The following GMDS variants were observed in gnomAD, a reference collection of about 807,000 sequenced individuals.
GMDS encodes GDP-mannose 4,6-dehydratase.
GMDS carries 20 observed loss-of-function variants against 49.9 expected under a neutral mutation model. The observed-to-expected ratio is 0.40, with a 90% CI of 0.28 to 0.58. GMDS has a LOEUF of 0.58. GMDS is among the 20% of genes least tolerant of loss of function. The pLI, the probability that GMDS is intolerant of heterozygous loss-of-function variation, is 0.42. For synonymous variants in GMDS, 177 were observed against 178.6 expected (o/e 0.99, Z 0.07); for missense variants, 362 against 481.4 (o/e 0.75, Z 2.32).
intron 7 of GMDS, among the ~76,000 whole-genome samples, chr6:1,835,853 TTTTTA>T (rs141513258): frequency 0.04 from 6,021 of 151,976 alleles, 170 homozygotes; most frequent in African/African-American, 0.083. Context: ...TTTCATTTGC[TTTTTA>T]TTTTATTTTA....
At chr6:1,654,480 G>A (rs1763808887) in intron 9 of GMDS, among the ~76,000 whole-genome samples, 1 of 152,186 alleles carries the variant, frequency 6.6e-6, no homozygotes, top group Non-Finnish European at 1.5e-5. Context: ...ATCATGCATC[G>A]ACTATGCTGT....
intron 1 of GMDS, among the ~76,000 whole-genome samples, chr6:2,185,324 C>T (rs1490507092): frequency 6.6e-6 from 1 of 152,240 alleles, no homozygotes; most frequent in Non-Finnish European, 1.5e-5. Flanking sequence ...TGGCATGCAT[C>T]TGATCCAATG....
intron 8 of GMDS, among the ~76,000 whole-genome samples, chr6:1,738,792 C>T (rs536215463): frequency 2.0e-5 from 3 of 152,012 alleles, no homozygotes; most frequent in Non-Finnish European, 2.9e-5. Context: ...TCAAATCAAT[C>T]GCTCCTCTCC....
chr6:2,155,171 C>T (rs922048065), intron 1 of GMDS, among the ~76,000 whole-genome samples: 2 of 151,996 alleles, frequency 1.3e-5, no homozygotes, highest in Admixed American at 6.6e-5. Context: ...CTTTATATGC[C>T]CAATCTGATA....
intron 1 of GMDS, among the ~76,000 whole-genome samples, chr6:2,125,734 G>C (rs950242800): frequency 6.6e-6 from 1 of 152,180 alleles, no homozygotes; most frequent in Non-Finnish European, 1.5e-5. Flanking sequence ...AGGAAGGTGA[G>C]TACCTTTGGA....
At chr6:2,189,922 G>GC (rs3839610) in intron 1 of GMDS, among the ~76,000 whole-genome samples, 106,702 of 151,946 alleles carry the variant, frequency 0.7, 37,834 homozygotes, top group East Asian at 0.84. Context: ...TGTGTAGTAA[G>GC]AGCGTTTCTG....
intron 9 of GMDS, among the ~76,000 whole-genome samples, chr6:1,652,079 T>C (rs1226132797): frequency 6.6e-6 from 1 of 151,634 alleles, no homozygotes; most frequent in Non-Finnish European, 1.5e-5. Context: ...TCTTCTAAGA[T>C]TATCCTTAAC....
chr6:1,919,511 T>C (rs1452858453), intron 7 of GMDS, among the ~76,000 whole-genome samples: 1 of 152,236 alleles, frequency 6.6e-6, no homozygotes, highest in African/African-American at 2.4e-5. Flanking sequence ...TACCTGTAAC[T>C]AACTGGCCCT....
At position 1,836,984 on chromosome 6, in the gene GMDS, A is replaced by G. The variant is rs143385398; in HGVS notation, c.771+93119T>C. Among the ~76,000 whole-genome samples the G allele has an allele frequency of 4.3e-3, 650 of 152,370 alleles. 2 individuals are homozygous for G. Among genetic ancestry groups the G allele is most frequent in the Admixed American group, 4.8e-3 (74 of 15,308 alleles). On this transcript the variant is annotated intron_variant, in intron 7 of 10. Transcript: ENST00000380815. This position sits in a 1 kb window ranked among gnomAD's most constrained non-coding sequence, Gnocchi z 4.2. ...AAGTTTGGGAAAAGGCTAAAAATTC[A>G]TATACAGGAAGTGGAAGTCTTTATA...
chr6:2,077,599 T>C (rs1460573856), intron 4 of GMDS, among the ~76,000 whole-genome samples: 1 of 152,188 alleles, frequency 6.6e-6, no homozygotes, highest in Non-Finnish European at 1.5e-5. Flanking sequence ...AATTTGCATA[T>C]GTTGAACCAT....
rs147510331 is a variant in GMDS, at chr6:1,997,313, T to G, written c.346-36347A>C. Among the ~76,000 whole-genome samples, 244 of 151,792 alleles carry G rather than the reference T, an allele frequency of 1.6e-3. 3 individuals are homozygous for G. Among genetic ancestry groups the G allele is most frequent in the Middle Eastern group, 6.8e-3 (2 of 294 alleles). ...TCACGAGGTCAGGAGACGGAAACCA[T>G]CCTGGCCAACATGGTGAAACACCAT... On this transcript the variant is annotated intron_variant, in intron 4 of 10. Coordinates refer to ENST00000380815, the MANE Select transcript of GMDS (RefSeq NM_001500.4).
In GMDS at chr6:2,130,364, T is replaced by C. The variant is rs146434974; in HGVS notation, c.103-5633A>G. Among the ~76,000 whole-genome samples, 116 of 152,338 alleles carry C rather than the reference T, an allele frequency of 7.6e-4. No individual in the cohort carries two copies. In the East Asian group the frequency reaches 0.021, roughly 28 times the overall value. On this transcript the variant is annotated intron_variant, in intron 1 of 10. Transcript: ENST00000380815. ...GAACCAACTTTCCCTTCCTTTGATT[T>C]ACCTCCTGATACAGAGAAGCACTGC...
chr6:2,237,191 T>C (rs928252868), intron 1 of GMDS, among the ~76,000 whole-genome samples: 15 of 152,166 alleles, frequency 9.9e-5, no homozygotes, highest in Non-Finnish European at 1.2e-4. Context: ...GAAAGCTGAG[T>C]CATTTCAATG....
At chr6:2,100,305 G>A (rs1430453219) in intron 4 of GMDS, among the ~76,000 whole-genome samples, 3 of 151,932 alleles carry the variant, frequency 2.0e-5, no homozygotes, top group East Asian at 3.8e-4. Context: ...TAGTGAAATC[G>A]TCATTCCATG....
intron 9 of GMDS, among the ~76,000 whole-genome samples, chr6:1,667,986 C>T (rs543520595): frequency 6.6e-6 from 1 of 152,270 alleles, no homozygotes; most frequent in African/African-American, 2.4e-5. Flanking sequence ...GCTGACATCC[C>T]GGGAGTCTGG....
intron 7 of GMDS, among the ~76,000 whole-genome samples, chr6:1,872,507 AT>A (rs2113805499): frequency 6.6e-6 from 1 of 152,366 alleles, no homozygotes; most frequent in Non-Finnish European, 1.5e-5. Context: ...CAGGGATATG[AT>A]AGTCCTATGG....
intron 4 of GMDS, among the ~76,000 whole-genome samples, chr6:2,010,282 G>A (rs574439564): frequency 2.3e-4 from 35 of 149,560 alleles, no homozygotes; most frequent in Admixed American, 3.3e-4. Flanking sequence ...AGCCGAGATC[G>A]TGCCATTGCA....
At chr6:1,808,358 C>G (rs564345611) in intron 7 of GMDS, among the ~76,000 whole-genome samples, 1 of 152,300 alleles carries the variant, frequency 6.6e-6, no homozygotes, top group Non-Finnish European at 1.5e-5. Context: ...CTTCTAATCT[C>G]ATTTTTATTA....
At chr6:1,692,666 A>G (rs1418485332) in intron 9 of GMDS, among the ~76,000 whole-genome samples, 1 of 152,150 alleles carries the variant, frequency 6.6e-6, no homozygotes, top group Non-Finnish European at 1.5e-5. Context: ...TTTCTTTTAC[A>G]ATGTCTAATA....
Sources: gnomAD v4.1 joint callset for allele counts (sites outside exome capture counted in the v4.1 genomes callset) on GRCh38, gnomAD v4.1.1 for gene constraint, Gnocchi (gnomAD v3.1) non-coding constraint, MANE v1.5 for transcripts, NCBI Gene and HGNC (gene_info 2026-07-23, HGNC 2026-07-21) for gene names.